Variants in PKHD1L1 observed in about 807,000 individuals in gnomAD.
The protein encoded by PKHD1L1 is fibrocystin-L.
Under a neutral mutation model 462.9 loss-of-function variants are expected in PKHD1L1, and 434 were observed. The ratio of observed to expected loss-of-function variants is 0.94; its 90% CI spans 0.87 to 1.02. The LOEUF is 1.02. Among genes scored for constraint, PKHD1L1 ranks in the 50% least tolerant of loss-of-function variants. The pLI is 0.00. For synonymous variants in PKHD1L1, 1,781 were observed against 1,750.0 expected (o/e 1.02, Z -0.44); for missense variants, 5,202 against 5,096.1 (o/e 1.02, Z -0.63).
At position 109,510,758 on chromosome 8, in the gene PKHD1L1, T is replaced by C; in HGVS notation, c.11396-19T>C. The C allele has an allele frequency of 6.2e-7, 1 of 1,606,654 alleles. No homozygotes were observed. Among genetic ancestry groups the C allele is most frequent in the Non-Finnish European group, 8.5e-7 (1 of 1,177,028 alleles). ...ATGTATGATATAGGAGTATGCACTT[T>C]CATTTTGCATGGATTTAGGCCCACA... On this transcript the variant is annotated intron_variant, in intron 70 of 77. Transcript: ENST00000378402.
Position 109,523,234 on chromosome 8 carries a change from G to C in PKHD1L1, c.12332G>C (p.Gly4111Ala). 3 of 1,566,358 alleles carry C rather than the reference G, an allele frequency of 1.9e-6. No individual in the cohort carries two copies. The South Asian group carries it at 3.5e-5, about 18-fold the overall frequency. Residue 4111 changes from glycine to alanine, a missense_variant and splice_region_variant, in exon 76 of 78, where the codon GGT becomes GCT. Around this residue, in one of 3 missense-constraint regions of PKHD1L1, gnomAD observed 698 missense variants for 736.3 expected, o/e 0.95. Coordinates refer to ENST00000378402, the MANE Select transcript of PKHD1L1 (RefSeq NM_177531.6). The stretch of plus-strand genomic sequence containing the variant: ...TATCTACTTTTTTTTTTTTTTTAGG[G>C]TAACTGTGTATCAGTTGGAATTACT... The part of the protein sequence containing the change: ...QPSVKATDSD[G>A]NCVSVGITAL...
intron 18 of PKHD1L1, among the ~76,000 whole-genome samples, chr8:109,408,456 T>G (rs1189237248): frequency 6.6e-6 from 1 of 152,194 alleles, no homozygotes; most frequent in Non-Finnish European, 1.5e-5. Flanking sequence ...AGCCTTGCCC[T>G]GCCTATGTGT....
intron 50 of PKHD1L1, among the ~76,000 whole-genome samples, chr8:109,473,165 T>G (rs1230410039): frequency 6.6e-6 from 1 of 152,178 alleles, no homozygotes; most frequent in Non-Finnish European, 1.5e-5. Flanking sequence ...GTTTCACTTG[T>G]GAAACTGAAT....
intron 2 of PKHD1L1, among the ~76,000 whole-genome samples, chr8:109,366,005 C>A (rs1046980792): frequency 5.3e-5 from 8 of 152,074 alleles, no homozygotes; most frequent in Admixed American, 6.6e-5. Flanking sequence ...AAACACCCAG[C>A]CATTTTCTTC....
Position 109,384,121 on chromosome 8 carries a change from A to T in PKHD1L1, c.469A>T (p.Thr157Ser). 1.9e-6 allele frequency: 3 copies of T among 1,609,022 alleles called. No individual in the cohort carries two copies. Among genetic ancestry groups the T allele is most frequent in the Non-Finnish European group, 2.6e-6 (3 of 1,175,940 alleles). The change falls in exon 5 of 78, where the codon ACT (threonine) becomes TCT (serine). Residue 157 changes from threonine (T) to serine (S), a missense_variant. By Grantham distance (58) the Thr-to-Ser change is moderately conservative. Coordinates refer to ENST00000378402, the MANE Select transcript of PKHD1L1 (RefSeq NM_177531.6). ...AAGAAGCATCACACCTTTATCTGGA[A>T]CTCCAGGTCTGTTATATGACATCTG... is the stretch of plus-strand genomic sequence containing the variant. ...TIRSITPLSG[T>S]PGTLITIQGR...
Position 109,425,140 on chromosome 8 carries a change from G to T in PKHD1L1, c.2753G>T (p.Gly918Val). 6.2e-7 allele frequency: 1 copy of T among 1,608,442 alleles called. No homozygotes were observed. The highest frequency in any genetic ancestry group is 2.2e-5 in the East Asian group (1 of 44,478). The change falls in exon 24 of 78, where the codon GGC becomes GTC. Residue 918 changes from glycine (G) to valine (V), a missense_variant. By Grantham distance (109) the Gly-to-Val change is moderately radical. This residue lies in a region of PKHD1L1 where 4,497 missense variants were observed against 4,336.8 expected (regional missense o/e 1.04). Coordinates refer to ENST00000378402, the MANE Select transcript of PKHD1L1 (RefSeq NM_177531.6). ...GTCTACAGAGGAAATAATTGGCCAG[G>T]CGAGTCAAAAATTCATATTCAAAGA... ...EFVYRGNNWP[G>V]ESKIHIQRIQ...
chr8:109,370,582 T>C lies in PKHD1L1; in HGVS notation c.163+5946T>C, dbSNP rs184938467. On this transcript the variant is annotated intron_variant, in intron 2 of 77. Coordinates refer to ENST00000378402, the MANE Select transcript of PKHD1L1 (RefSeq NM_177531.6). Reference sequence around the variant, plus strand: ...TGCAGGTTTGTTACATATGTATACATGTGCCATGTTGGTGTGCTGCACCCA... The same window carrying C: ...TGCAGGTTTGTTACATATGTATACACGTGCCATGTTGGTGTGCTGCACCCA... Among the ~76,000 whole-genome samples the C allele has an allele frequency of 4.5e-3, 682 of 152,256 alleles. 3 individuals are homozygous for C. Among genetic ancestry groups the C allele is most frequent in the Non-Finnish European group, 7.6e-3 (518 of 68,012 alleles).
chr8:109,367,584 T>A (rs1044478868), intron 2 of PKHD1L1, among the ~76,000 whole-genome samples: 1 of 152,234 alleles, frequency 6.6e-6, no homozygotes, highest in African/African-American at 2.4e-5. Flanking sequence ...ATTACTTTGT[T>A]TAAAAGGCTG....
chr8:109,456,661 G>A (rs966512832), intron 46 of PKHD1L1, among the ~76,000 whole-genome samples: 7 of 152,210 alleles, frequency 4.6e-5, no homozygotes, highest in Non-Finnish European at 7.4e-5. Context: ...TGTTTTACAC[G>A]GTTTGGCTCC....
At chr8:109,519,776 A>C (rs1820453310) in intron 73 of PKHD1L1, among the ~76,000 whole-genome samples, 1 of 152,166 alleles carries the variant, frequency 6.6e-6, no homozygotes, top group African/African-American at 2.4e-5. Context: ...TATGAAAGCT[A>C]CAAAGGTATG....
intron 29 of PKHD1L1, among the ~76,000 whole-genome samples, chr8:109,436,074 C>T (rs1249387753): frequency 6.6e-6 from 1 of 152,166 alleles, no homozygotes; most frequent in East Asian, 1.9e-4. Context: ...ACCAATGCCC[C>T]AAAGCAAATG....
intron 59 of PKHD1L1, among the ~76,000 whole-genome samples, chr8:109,489,290 A>G (rs1040076361): frequency 2.0e-5 from 3 of 151,946 alleles, no homozygotes; most frequent in Non-Finnish European, 4.4e-5. Context: ...ACTAGATGAT[A>G]GAGATATAAA....
At chr8:109,479,461 T>C (rs1818161758) in intron 53 of PKHD1L1, 90 bp from the exon 54 acceptor site, 1 of 887,708 alleles carries the variant, frequency 1.1e-6, no homozygotes, top group Non-Finnish European at 1.7e-6. Context: ...ATGTAAAATC[T>C]TATGGGGAAA....
At chr8:109,464,129 T>G in intron 48 of PKHD1L1, 87 bp from the exon 49 acceptor site, 2 of 882,158 alleles carry the variant, frequency 2.3e-6, no homozygotes, top group Non-Finnish European at 3.0e-6. Flanking sequence ...TTAATAATAA[T>G]ATAAAATTAG....
intron 71 of PKHD1L1, among the ~76,000 whole-genome samples, chr8:109,511,256 C>A (rs1390639201): frequency 6.6e-6 from 1 of 152,034 alleles, no homozygotes; most frequent in Admixed American, 6.6e-5. Context: ...AGGCCAGTCA[C>A]ACATGTATAT....
chr8:109,400,409 T>C, intron 13 of PKHD1L1, 65 bp downstream of exon 13: 1 of 1,488,990 alleles, frequency 6.7e-7, no homozygotes, highest in Non-Finnish European at 9.1e-7. Flanking sequence ...ATATGTATCT[T>C]ACTCTAAATC....
rs1818550056 is a variant in PKHD1L1 at position 109,486,765 on chromosome 8, C to T, written c.9824C>T (p.Ser3275Phe). ...GATTACCCCGGTTGGTCTGAGGACT[C>T]TTTTGGAGCACGCGTACTGGTTGGC... is the stretch of plus-strand genomic sequence containing the variant. Reference protein sequence around the residue: ...GEDYPGWSEDSFGARVLVGSF... With the variant: ...GEDYPGWSEDFFGARVLVGSF... Residue 3275 changes from serine to phenylalanine, a missense_variant, in exon 59 of 78, where the codon TCT (serine) becomes TTT (phenylalanine). Physicochemically the swap from Ser to Phe is radical, Grantham distance 155. Around this residue, in one of 3 missense-constraint regions of PKHD1L1, gnomAD observed 4,497 missense variants for 4,336.8 expected, o/e 1.04. Transcript: ENST00000378402. 1.2e-6 allele frequency: 2 copies of T among 1,612,326 alleles called. No homozygotes were observed. Among genetic ancestry groups the T allele is most frequent in the African/African-American group, 2.7e-5 (2 of 74,762 alleles).
chr8:109,376,123 C>A (rs1195747072), intron 2 of PKHD1L1, among the ~76,000 whole-genome samples: 3 of 152,332 alleles, frequency 2.0e-5, no homozygotes, highest in East Asian at 1.9e-4. Flanking sequence ...GGCAGGCAGG[C>A]CTCCTTGAGC....
At chr8:109,408,735 A>G (rs1813690751) in intron 18 of PKHD1L1, among the ~76,000 whole-genome samples, 1 of 152,214 alleles carries the variant, frequency 6.6e-6, no homozygotes, top group Non-Finnish European at 1.5e-5. Context: ...AAAGGGTCAA[A>G]AAGATCAATG....
Sources: allele counts gnomAD v4.1 joint callset (sites outside exome capture counted in the v4.1 genomes callset), GRCh38; gene constraint gnomAD v4.1.1; regional missense constraint gnomAD v4.1.1; transcripts MANE v1.5; gene names NCBI Gene and HGNC (gene_info 2026-07-23, HGNC 2026-07-21).